PCDH11X: variants seen among roughly 807,000 people sequenced by gnomAD.
PCDH11X encodes protocadherin-11 X-linked.
PCDH11X carries 18 observed loss-of-function variants against 53.3 expected under a neutral mutation model. That is an observed-to-expected ratio of 0.34 (90% CI 0.23 to 0.50). The LOEUF (loss-of-function observed/expected upper bound fraction) is 0.50, where lower values mean the gene tolerates loss of function less well. Ranked by LOEUF, PCDH11X falls within the 20% of genes least tolerant of loss-of-function variation. The pLI, the probability that PCDH11X is intolerant of heterozygous loss-of-function variation, is 0.98. For synonymous variants in PCDH11X, 279 were observed against 393.3 expected (o/e 0.71, Z 3.44); for missense variants, 570 against 1,032.4 (o/e 0.55, Z 6.14).
Position 91,892,435 on chromosome X carries a change from A to G in PCDH11X, c.3033+13162A>G, listed in dbSNP as rs1602442315. Among the ~76,000 whole-genome samples, 4 of 109,027 alleles carry G rather than the reference A, an allele frequency of 3.7e-5. No individual in the cohort carries two copies. The South Asian group carries it at 1.6e-3, about 44-fold the overall frequency. The allele number at this position is 109,027 out of a possible 115,157, so 94.7% of individuals were successfully genotyped here. A position where few individuals can be genotyped will look rare whatever the true frequency, so the allele number is the denominator to read the frequency against. The stretch of plus-strand genomic sequence containing the variant: ...CATAGAATAAAGCCTCAATTTTTAT[A>G]TTTTTCAAGGGACTTTGCAATCTTA... On this transcript the variant is annotated intron_variant, in intron 6 of 10. Transcript: ENST00000682573.
chrX:92,244,036 A>G (rs1480895153), intron 7 of PCDH11X, among the ~76,000 whole-genome samples: 1 of 110,518 alleles, frequency 9.0e-6, no homozygotes, highest in Non-Finnish European at 1.9e-5. Flanking sequence ...CTTTCTAACA[A>G]TAGATCTAAT....
At chrX:92,300,913 C>T (rs942543545) in intron 8 of PCDH11X, among the ~76,000 whole-genome samples, 1 of 112,232 alleles carries the variant, frequency 8.9e-6, no homozygotes, top group African/African-American at 3.2e-5. Context: ...CAGCTCAGCA[C>T]TCCTGGGCTG....
rs753765715 is a variant in PCDH11X, at chrX:91,901,207, C to T, written c.3033+21934C>T. On this transcript the variant is annotated intron_variant, in intron 6 of 10. Coordinates refer to ENST00000682573, the MANE Select transcript of PCDH11X (RefSeq NM_032968.5). ...TGAAATGTGACTGGGATATAACAGG[C>T]ACTTGATGAGCATTATGCCCCTTCT... Among the ~76,000 whole-genome samples the T allele has an allele frequency of 1.5e-3, 166 of 111,637 alleles. 1 individual carries two copies. The highest frequency in any genetic ancestry group is 5.0e-3 in the African/African-American group (154 of 30,697).
At chrX:92,346,146 C>T (rs926290882) in intron 8 of PCDH11X, among the ~76,000 whole-genome samples, 1 of 110,808 alleles carries the variant, frequency 9.0e-6, no homozygotes, top group African/African-American at 3.3e-5. Flanking sequence ...TTCATCAACT[C>T]ATATGACAGA....
chrX:92,440,646 A>T (rs1274734123), intron 9 of PCDH11X, among the ~76,000 whole-genome samples: 1 of 110,917 alleles, frequency 9.0e-6, no homozygotes, highest in African/African-American at 3.3e-5. Flanking sequence ...TTCTGCCACG[A>T]TTGTGAGGCC....
At chrX:92,075,230 A>G (rs1461863193) in intron 6 of PCDH11X, among the ~76,000 whole-genome samples, 2 of 110,334 alleles carry the variant, frequency 1.8e-5, no homozygotes, top group Non-Finnish European at 3.8e-5. Context: ...ATAACCAGCC[A>G]TGGTATTTCC....
At chrX:92,111,393 T>C (rs2064508052) in intron 6 of PCDH11X, among the ~76,000 whole-genome samples, 1 of 110,014 alleles carries the variant, frequency 9.1e-6, no homozygotes, top group Non-Finnish European at 1.9e-5. Context: ...TTCATGAAAA[T>C]GTAGTTGCCC....
At position 92,545,801 on chromosome X, in the gene PCDH11X, C is replaced by A. The variant is rs749777519; in HGVS notation, c.3368-72463C>A. Among the ~76,000 whole-genome samples, 408 of 109,599 alleles carry A rather than the reference C, an allele frequency of 3.7e-3. 1 individual carries two copies. The highest frequency in any genetic ancestry group is 0.013 in the African/African-American group (392 of 30,412). On this transcript the variant is annotated intron_variant, in intron 10 of 10. Transcript: ENST00000682573. ...AATAAAGCTTTTGCATCAGTCTGAT[C>A]GAAAAATTAGTAGAATTAGTTTAAA...
Position 92,275,096 on chromosome X carries a change from T to C in PCDH11X, c.3144+11953T>C, listed in dbSNP as rs766767719. Among the ~76,000 whole-genome samples the C allele has an allele frequency of 2.7e-4, 27 of 100,205 alleles. 1 individual carries two copies. Among genetic ancestry groups the C allele is most frequent in the African/African-American group, 9.7e-4 (27 of 27,866 alleles). The allele number at this position is 100,205 out of a possible 115,157, so 87.0% of individuals were successfully genotyped here. A position where few individuals can be genotyped will look rare whatever the true frequency, so the allele number is the denominator to read the frequency against. On this transcript the variant is annotated intron_variant, in intron 8 of 10. Coordinates refer to ENST00000682573, the MANE Select transcript of PCDH11X (RefSeq NM_032968.5). ...AGTTATGAGAAATGTAGAGAGTGAG[T>C]TGAGCATAGTTTGTGATTTTTAGGG...
At chrX:91,900,987 G>A (rs1294223423) in intron 6 of PCDH11X, among the ~76,000 whole-genome samples, 2 of 111,337 alleles carry the variant, frequency 1.8e-5, no homozygotes, top group Admixed American at 1.9e-4. Context: ...TCTACTCTGT[G>A]TCAGGCACAC....
chrX:92,332,836 T>C (rs1402726207), intron 8 of PCDH11X, among the ~76,000 whole-genome samples: 1 of 111,903 alleles, frequency 8.9e-6, no homozygotes, highest in Non-Finnish European at 1.9e-5. Context: ...ACTTCAGGAA[T>C]AAGCCTCAAA....
chrX:92,544,892 T>C (rs1030697596), intron 10 of PCDH11X, among the ~76,000 whole-genome samples: 13 of 111,746 alleles, frequency 1.2e-4, no homozygotes, highest in African/African-American at 3.6e-4. Context: ...TTCTTACTGA[T>C]GGTACAGACG....
chrX:91,903,427 G>A (rs1941024725), intron 6 of PCDH11X, among the ~76,000 whole-genome samples: 1 of 111,169 alleles, frequency 9.0e-6, no homozygotes, highest in Non-Finnish European at 1.9e-5. Context: ...TCCATGGTGT[G>A]GTCTTGTGCT....
At chrX:92,173,596 A>C (rs1159310656) in intron 6 of PCDH11X, among the ~76,000 whole-genome samples, 1 of 110,804 alleles carries the variant, frequency 9.0e-6, no homozygotes, top group Non-Finnish European at 1.9e-5. Context: ...TAGAGACCCT[A>C]CTTTCCTACT....
chrX:92,132,421 A>G (rs1396465784), intron 6 of PCDH11X, among the ~76,000 whole-genome samples: 1 of 100,118 alleles, frequency 1.0e-5, no homozygotes, highest in African/African-American at 3.6e-5. Flanking sequence ...CATTCTGGCC[A>G]ACATGGTGAA....
chrX:91,953,471 C>A (rs1228458971), intron 6 of PCDH11X, among the ~76,000 whole-genome samples: 2 of 110,072 alleles, frequency 1.8e-5, no homozygotes, highest in Non-Finnish European at 3.8e-5. Context: ...CACCAGGGTA[C>A]CCAAGTAAAA....
chrX:92,429,386 C>T (rs2072198296), intron 9 of PCDH11X, among the ~76,000 whole-genome samples: 1 of 110,000 alleles, frequency 9.1e-6, no homozygotes, highest in Non-Finnish European at 1.9e-5. Context: ...GCACCCTGAT[C>T]ATTAATGTCA....
rs762863269 is a variant in PCDH11X, at chrX:92,437,022, G to A, written c.3344-31277G>A. Among the ~76,000 whole-genome samples, 10 of 108,319 alleles carry A rather than the reference G, an allele frequency of 9.2e-5. No individual in the cohort carries two copies. In the Admixed American group the frequency reaches 9.9e-4, roughly 11 times the overall value. 94.1% of individuals were successfully genotyped at this position (108,319 alleles called of 115,157 possible). On this transcript the variant is annotated intron_variant, in intron 9 of 10. Transcript: ENST00000682573. ...TAATTTGATTGTTTGTAACACAAAG[G>A]ATAGATAAATGATTGAGGGGATGGA... is the stretch of plus-strand genomic sequence containing the variant.
At chrX:92,552,006 T>C (rs1247592362) in intron 10 of PCDH11X, among the ~76,000 whole-genome samples, 1 of 90,112 alleles carries the variant, frequency 1.1e-5, no homozygotes, top group Non-Finnish European at 2.3e-5. Context: ...TTTTTTTTTT[T>C]TCTCAGGATA....
Sources: allele counts gnomAD v4.1 joint callset (sites outside exome capture counted in the v4.1 genomes callset), GRCh38; gene constraint gnomAD v4.1.1; transcripts MANE v1.5; gene names NCBI Gene and HGNC (gene_info 2026-07-23, HGNC 2026-07-21).